GRM5: variants seen among roughly 807,000 people sequenced by gnomAD.
GRM5 encodes the protein glutamate metabotropic receptor 5, also known as metabotropic glutamate receptor 5.
GRM5 carries 19 observed loss-of-function variants against 83.1 expected under a neutral mutation model. The observed-to-expected ratio is 0.23, with a 90% CI of 0.16 to 0.34. The LOEUF is 0.34. Ranked by LOEUF, GRM5 falls within the 10% of genes least tolerant of loss-of-function variation. GRM5 has a pLI of 1.00. For missense variants in GRM5, 1,160 were observed against 1,588.3 expected, an observed-to-expected ratio of 0.73 and a Z score of 4.58; for synonymous variants, 675 against 633.6, an observed-to-expected ratio of 1.07 and a Z score of -0.98.
At chr11:89,016,792 C>A (rs190687341) in intron 2 of GRM5, among the ~76,000 whole-genome samples, 8 of 152,164 alleles carry the variant, frequency 5.3e-5, no homozygotes, top group African/African-American at 1.7e-4. Flanking sequence ...CTAAGGTCTA[C>A]CTCTAGTGGG....
intron 2 of GRM5, among the ~76,000 whole-genome samples, chr11:88,895,535 T>C (rs965945917): frequency 2.0e-5 from 3 of 151,976 alleles, no homozygotes; most frequent in African/African-American, 7.2e-5. Context: ...ACTATCATAA[T>C]TGGATTGTGA....
chr11:88,694,603 C>G (rs1429431143), intron 3 of GRM5, among the ~76,000 whole-genome samples: 1 of 150,468 alleles, frequency 6.6e-6, no homozygotes, highest in Non-Finnish European at 1.5e-5. Context: ...AAGTGTTAAA[C>G]TGAACCAAAA....
intron 8 of GRM5, among the ~76,000 whole-genome samples, chr11:88,525,674 T>C (rs930724713): frequency 6.6e-6 from 1 of 152,206 alleles, no homozygotes; most frequent in East Asian, 1.9e-4. Flanking sequence ...TCACATTTAA[T>C]AGTCAATGGT....
At chr11:88,760,978 G>A (rs1299255214) in intron 3 of GRM5, among the ~76,000 whole-genome samples, 1 of 152,048 alleles carries the variant, frequency 6.6e-6, no homozygotes, top group Non-Finnish European at 1.5e-5. Flanking sequence ...TTCAATAGAT[G>A]CAGAAAAGTC....
Position 89,047,907 on chromosome 11 carries a change from T to A in GRM5, c.-35A>T. Reference sequence around the variant, plus strand: ...GGAGTTCAAGCCAATAAAGATAGCATGGTGGGGAAAATTCAGGAGGGTTCT... The same window carrying A: ...GGAGTTCAAGCCAATAAAGATAGCAAGGTGGGGAAAATTCAGGAGGGTTCT... On this transcript the variant is annotated 5_prime_UTR_variant, in exon 2 of 10. The change abolishes an upstream ATG in the 5' untranslated region. Coordinates refer to ENST00000305447, the MANE Select transcript of GRM5 (RefSeq NM_001143831.3). The surrounding 1 kb of genome is among the most constrained non-coding windows in gnomAD (Gnocchi z 5.1). The A allele has an allele frequency of 6.4e-7, 1 of 1,560,362 alleles. No homozygotes were observed. The highest frequency in any genetic ancestry group is 8.8e-7 in the Non-Finnish European group (1 of 1,136,176).
intron 3 of GRM5, among the ~76,000 whole-genome samples, chr11:88,793,695 A>G (rs1433492900): frequency 6.6e-6 from 1 of 152,216 alleles, no homozygotes; most frequent in African/African-American, 2.4e-5. Context: ...ATAGTTTCAG[A>G]ACAAACCTAC....
chr11:88,932,240 T>C (rs1354579748), intron 2 of GRM5, among the ~76,000 whole-genome samples: 1 of 152,112 alleles, frequency 6.6e-6, no homozygotes, highest in Non-Finnish European at 1.5e-5. Flanking sequence ...GGTTTGAGTA[T>C]TATACTTCTG....
intron 2 of GRM5, among the ~76,000 whole-genome samples, chr11:88,856,942 C>T (rs1197850306): frequency 6.6e-6 from 1 of 152,052 alleles, no homozygotes; most frequent in African/African-American, 2.4e-5. Context: ...GTGTAACACG[C>T]ATACTGATCT....
At chr11:88,570,571 A>ATATATGTATATATATATATT (rs1405339448) in intron 7 of GRM5, among the ~76,000 whole-genome samples, 1 of 46,376 alleles carries the variant, frequency 2.2e-5, no homozygotes, top group African/African-American at 1.3e-4. Context: ...ATATATATAT[A>ATATATGTATATATATATATT]TTTTTTTTTT....
chr11:88,715,582 A>C (rs1340450699), intron 3 of GRM5, among the ~76,000 whole-genome samples: 1 of 151,990 alleles, frequency 6.6e-6, no homozygotes, highest in Non-Finnish European at 1.5e-5. Flanking sequence ...TTTTACACGA[A>C]TCTTTGTCAG....
intron 3 of GRM5, among the ~76,000 whole-genome samples, chr11:88,839,801 C>T (rs1349090617): frequency 6.6e-6 from 1 of 152,180 alleles, no homozygotes; most frequent in Non-Finnish European, 1.5e-5. Flanking sequence ...ACTGTTGACC[C>T]AAATCCTTAC....
At chr11:88,944,111 T>C (rs1938198387) in intron 2 of GRM5, among the ~76,000 whole-genome samples, 3 of 152,048 alleles carry the variant, frequency 2.0e-5, no homozygotes, top group South Asian at 2.1e-4. Context: ...GTTGTTGCTA[T>C]GACCTCATGA....
At chr11:88,816,831 T>C (rs12276202) in intron 3 of GRM5, among the ~76,000 whole-genome samples, 1 of 151,100 alleles carries the variant, frequency 6.6e-6, no homozygotes, top group South Asian at 2.1e-4. Flanking sequence ...TATATAATAT[T>C]AAATGGATCA....
chr11:88,830,351 A>G lies in GRM5; in HGVS notation c.911+19555T>C, dbSNP rs369982722. Among the ~76,000 whole-genome samples the G allele has an allele frequency of 9.1e-4, 139 of 152,072 alleles. 2 individuals carry two copies. In the South Asian group the frequency reaches 0.028, roughly 31 times the overall value. On this transcript the variant is annotated intron_variant, in intron 3 of 9. Transcript: ENST00000305447. ...TATATTTAAAATAAAAGTGAGAGAGAGAGGCTTCAAAATGGCTGACTGAAG... is the reference window on the plus strand; with the variant it reads ...TATATTTAAAATAAAAGTGAGAGAGGGAGGCTTCAAAATGGCTGACTGAAG...
chr11:88,761,873 T>C (rs1476734172), intron 3 of GRM5, among the ~76,000 whole-genome samples: 1 of 151,394 alleles, frequency 6.6e-6, no homozygotes, highest in Non-Finnish European at 1.5e-5. Flanking sequence ...CAGAACATAA[T>C]AGAGGACCCA....
chr11:88,774,157 AG>A (rs1428325588), intron 3 of GRM5, among the ~76,000 whole-genome samples: 6 of 152,104 alleles, frequency 3.9e-5, no homozygotes, highest in African/African-American at 1.2e-4. Flanking sequence ...TTCCTTGAGG[AG>A]GTCCTTCACA....
chr11:88,549,833 T>C (rs534083207), intron 8 of GRM5, among the ~76,000 whole-genome samples: 2 of 152,234 alleles, frequency 1.3e-5, no homozygotes, highest in African/African-American at 4.8e-5. Context: ...TCAATTTGAG[T>C]ATTGAATAAT....
At chr11:88,936,198 A>AT (rs1801774432) in intron 2 of GRM5, among the ~76,000 whole-genome samples, 1 of 151,808 alleles carries the variant, frequency 6.6e-6, no homozygotes, top group Non-Finnish European at 1.5e-5. Flanking sequence ...ATTCCCTAAG[A>AT]TTTAGGTTGC....
At chr11:88,969,428 T>C (rs1227422785) in intron 2 of GRM5, among the ~76,000 whole-genome samples, 1 of 152,072 alleles carries the variant, frequency 6.6e-6, no homozygotes, top group African/African-American at 2.4e-5. Context: ...ATGCATCAAA[T>C]CTAATTTCCC....
Sources: allele counts gnomAD v4.1 joint callset (sites outside exome capture counted in the v4.1 genomes callset), GRCh38; gene constraint gnomAD v4.1.1; non-coding constraint Gnocchi (gnomAD v3.1); transcripts MANE v1.5; gene names NCBI Gene and HGNC (gene_info 2026-07-23, HGNC 2026-07-21).